Variants in AMBRA1 observed in about 807,000 individuals in gnomAD.
AMBRA1 encodes the protein activating molecule in BECN1-regulated autophagy protein 1.
Under a neutral mutation model 125.4 loss-of-function variants are expected in AMBRA1, and 47 were observed. The observed-to-expected ratio is 0.37, with a 90% confidence interval of 0.30 to 0.48. The LOEUF (loss-of-function observed/expected upper bound fraction) is 0.48. Ranked by LOEUF, AMBRA1 falls within the 20% of genes least tolerant of loss-of-function variation. AMBRA1 has a pLI of 0.99. For missense variants in AMBRA1, 1,331 were observed against 1,693.4 expected (o/e 0.79, Z 3.76); for synonymous variants, 626 against 655.5 (o/e 0.95, Z 0.69).
intron 11 of AMBRA1, among the ~76,000 whole-genome samples, chr11:46,484,866 C>T (rs1292787781): frequency 6.6e-6 from 1 of 151,180 alleles, no homozygotes; most frequent in Non-Finnish European, 1.5e-5. Flanking sequence ...AGGATGATCT[C>T]GATCTCCTGA....
intron 1 of AMBRA1, among the ~76,000 whole-genome samples, chr11:46,587,143 G>C (rs1357576871): frequency 6.6e-6 from 1 of 152,110 alleles, no homozygotes; most frequent in Non-Finnish European, 1.5e-5. Flanking sequence ...ATGTTGGGAG[G>C]CCAAGGTGGG....
intron 7 of AMBRA1, among the ~76,000 whole-genome samples, chr11:46,524,394 A>T (rs1951881598): frequency 6.6e-6 from 1 of 152,240 alleles, no homozygotes; most frequent in Non-Finnish European, 1.5e-5. Flanking sequence ...CATGGTGAGG[A>T]ATTATCCAGC....
At chr11:46,484,836 G>T (rs1224868154) in intron 11 of AMBRA1, among the ~76,000 whole-genome samples, 1 of 150,686 alleles carries the variant, frequency 6.6e-6, no homozygotes, top group South Asian at 2.1e-4. Context: ...TAGTAGAGAT[G>T]GGGTTTCACC....
At chr11:46,468,509 A>C (rs1949427013) in intron 11 of AMBRA1, among the ~76,000 whole-genome samples, 1 of 152,028 alleles carries the variant, frequency 6.6e-6, no homozygotes, top group Admixed American at 6.6e-5. Flanking sequence ...AAAGAAAAGG[A>C]AGGCCAGGGC....
At position 46,543,237 on chromosome 11, in the gene AMBRA1, G is replaced by A; in HGVS notation, c.780C>T (p.Ser260=). The part of the protein sequence containing the change: ...RSSGIQVGEQ[S]TVQDSATPSP... ...AGGGGGTAGCAGAATCTTGCACTGT[G>A]CTTTGCTCTCCCACCTGGATGCCAG... Residue 260 remains serine (S), a synonymous_variant, in exon 7 of 18, where the codon AGC becomes AGT. Coordinates refer to ENST00000683756, the MANE Select transcript of AMBRA1 (RefSeq NM_001387011.1). 1.2e-6 allele frequency: 2 copies of A among 1,613,380 alleles called. No homozygotes were observed. The highest frequency in any genetic ancestry group is 1.7e-6 in the Non-Finnish European group (2 of 1,179,856).
intron 9 of AMBRA1, among the ~76,000 whole-genome samples, chr11:46,507,009 CAAAAAAAAAAAA>C (rs1195308304): frequency 2.5e-5 from 2 of 79,846 alleles, no homozygotes; most frequent in East Asian, 3.2e-4. Context: ...ACTAAAAATA[CAAAAAAAAAAAA>C]AAAAAATTAG....
At chr11:46,505,134 G>A (rs749681645) in intron 9 of AMBRA1, among the ~76,000 whole-genome samples, 1 of 152,156 alleles carries the variant, frequency 6.6e-6, no homozygotes, top group African/African-American at 2.4e-5. Flanking sequence ...AGGATTACTC[G>A]CCATATCTAC....
intron 9 of AMBRA1, among the ~76,000 whole-genome samples, chr11:46,506,874 G>A (rs919610588): frequency 1.4e-4 from 21 of 151,998 alleles, no homozygotes; most frequent in African/African-American, 4.8e-4. Flanking sequence ...CAATAAGATT[G>A]GCTAGCTTAG....
intron 14 of AMBRA1, among the ~76,000 whole-genome samples, chr11:46,418,324 AT>A (rs1946661553): frequency 5.9e-4 from 2 of 3,382 alleles, no homozygotes; most frequent in Non-Finnish European, 1.1e-3. Flanking sequence ...TTATTTATAT[AT>A]AAATATGTAT....
At chr11:46,590,223 T>C (rs2135346823) in intron 1 of AMBRA1, among the ~76,000 whole-genome samples, 2 of 151,820 alleles carry the variant, frequency 1.3e-5, no homozygotes, top group East Asian at 3.9e-4. Flanking sequence ...TACAAAAAAT[T>C]AGCTGGGTGC....
At chr11:46,534,049 G>C (rs1346994135) in intron 7 of AMBRA1, among the ~76,000 whole-genome samples, 1 of 150,662 alleles carries the variant, frequency 6.6e-6, no homozygotes, top group Non-Finnish European at 1.5e-5. Context: ...CTTTTTTGAT[G>C]ATCCTATTTC....
At chr11:46,478,448 T>C (rs1270496089) in intron 11 of AMBRA1, among the ~76,000 whole-genome samples, 1 of 152,168 alleles carries the variant, frequency 6.6e-6, no homozygotes, top group Non-Finnish European at 1.5e-5. Context: ...CTTTTGCACA[T>C]CTTTTTACCC....
At chr11:46,475,710 T>G (rs992797396) in intron 11 of AMBRA1, among the ~76,000 whole-genome samples, 2 of 152,162 alleles carry the variant, frequency 1.3e-5, no homozygotes, top group African/African-American at 4.8e-5. Flanking sequence ...AACTGTAAAA[T>G]GTCAAATAGT....
At chr11:46,475,498 A>G (rs1949780082) in intron 11 of AMBRA1, among the ~76,000 whole-genome samples, 1 of 152,188 alleles carries the variant, frequency 6.6e-6, no homozygotes, top group African/African-American at 2.4e-5. Context: ...GTATACAAAA[A>G]TCCCCTCCCA....
intron 7 of AMBRA1, among the ~76,000 whole-genome samples, chr11:46,533,150 G>T (rs920465854): frequency 6.6e-6 from 1 of 151,150 alleles, no homozygotes; most frequent in Non-Finnish European, 1.5e-5. Context: ...GCTACAAAGC[G>T]AGACTCTGTC....
At chr11:46,407,742 C>T (rs1347336626) in intron 17 of AMBRA1, among the ~76,000 whole-genome samples, 2 of 152,176 alleles carry the variant, frequency 1.3e-5, no homozygotes, top group Non-Finnish European at 2.9e-5. Flanking sequence ...TGACGTGCAC[C>T]GTGGCTTTTC....
chr11:46,475,990 T>A (rs1486691271), intron 11 of AMBRA1, among the ~76,000 whole-genome samples: 2 of 152,176 alleles, frequency 1.3e-5, no homozygotes, highest in African/African-American at 4.8e-5. Context: ...CATAGCTGCA[T>A]TAGCCTTTCA....
chr11:46,420,529 C>G (rs988484322), intron 14 of AMBRA1, among the ~76,000 whole-genome samples: 1 of 152,210 alleles, frequency 6.6e-6, no homozygotes, highest in Non-Finnish European at 1.5e-5. Flanking sequence ...GAGGTTTTCA[C>G]CTTCTCAGAA....
At chr11:46,538,237 G>C (rs553020594) in intron 7 of AMBRA1, among the ~76,000 whole-genome samples, 1 of 152,214 alleles carries the variant, frequency 6.6e-6, no homozygotes, top group African/African-American at 2.4e-5. Context: ...CGACATCCTA[G>C]CTCATTTAAA....
Sources: allele counts gnomAD v4.1 joint callset (sites outside exome capture counted in the v4.1 genomes callset), GRCh38; gene constraint gnomAD v4.1.1; transcripts MANE v1.5; gene names NCBI Gene and HGNC (gene_info 2026-07-23, HGNC 2026-07-21).